NR5A2: variants seen among roughly 807,000 people sequenced by gnomAD.
NR5A2 encodes the protein nuclear receptor subfamily 5 group A member 2.
NR5A2 carries 26 observed loss-of-function variants against 62.7 expected under a neutral mutation model. That is an observed-to-expected ratio of 0.41 (90% CI 0.30 to 0.58). NR5A2 has a LOEUF of 0.58. NR5A2 is among the 20% of genes least tolerant of loss of function. The probability of loss-of-function intolerance (pLI) is 0.22; values close to 1 mark genes in which losing one functional copy is unlikely to be tolerated. For synonymous variants in NR5A2, 246 were observed against 241.7 expected, an observed-to-expected ratio of 1.02 and a Z score of -0.16; for missense variants, 541 against 669.1, an observed-to-expected ratio of 0.81 and a Z score of 2.11.
rs531328334 is a variant in NR5A2, at chr1:200,114,500, T to C, written c.1230+3179T>C. 2.6e-5 allele frequency among the ~76,000 whole-genome samples: 4 copies of C among 152,310 alleles called. No individual in the cohort carries two copies. The East Asian group carries it at 7.7e-4, about 29-fold the overall frequency. On this transcript the variant is annotated intron_variant, in intron 6 of 7. Transcript: ENST00000367362. ...TTAGAATTGGAACAACCTGTTTTCG[T>C]GTCTCCATTCCAAAACTTCCTGGCT...
intron 7 of NR5A2, among the ~76,000 whole-genome samples, chr1:200,141,800 A>G (rs1180700546): frequency 6.6e-6 from 1 of 152,252 alleles, no homozygotes; most frequent in Non-Finnish European, 1.5e-5. Flanking sequence ...GAAGTTGACA[A>G]TATAGTCTCT....
intron 5 of NR5A2, among the ~76,000 whole-genome samples, chr1:200,079,445 G>A (rs975766772): frequency 4.6e-5 from 7 of 152,320 alleles, no homozygotes; most frequent in African/African-American, 1.7e-4. Context: ...CAAGGGCAGG[G>A]TCTCATCCTG....
intron 7 of NR5A2, among the ~76,000 whole-genome samples, chr1:200,146,788 A>G (rs1186953554): frequency 6.6e-6 from 1 of 152,214 alleles, no homozygotes; most frequent in Non-Finnish European, 1.5e-5. Context: ...TGGAAATTAC[A>G]CATTTGTCTG....
chr1:200,135,235 A>T (rs774931878), intron 7 of NR5A2, among the ~76,000 whole-genome samples: 1 of 152,126 alleles, frequency 6.6e-6, no homozygotes, highest in African/African-American at 2.4e-5. Flanking sequence ...ATAATAAAGC[A>T]TGAGGCCAGG....
chr1:200,156,493 G>A (rs1173184550), intron 7 of NR5A2, among the ~76,000 whole-genome samples: 5 of 152,146 alleles, frequency 3.3e-5, no homozygotes, highest in Admixed American at 2.6e-4. Flanking sequence ...TGCCTCCCGG[G>A]TTCAAGCAAT....
chr1:200,072,814 G>A (rs2102218438), intron 5 of NR5A2, among the ~76,000 whole-genome samples: 1 of 152,254 alleles, frequency 6.6e-6, no homozygotes. Flanking sequence ...AAGATGTCCA[G>A]AAATAGAAAG....
Position 200,048,619 on chromosome 1 carries a change from T to C in NR5A2, c.911T>C (p.Leu304Pro), listed in dbSNP as rs1432885604. 1.2e-6 allele frequency: 2 copies of C among 1,614,060 alleles called. No individual in the cohort carries two copies. Among genetic ancestry groups the C allele is most frequent in the Admixed American group, 1.7e-5 (1 of 60,006 alleles). ...AGCTCTCCAGCAAGCATCCCACATC[T>C]GATACTGGAACTTTTGAAGTGTGAG... is the stretch of plus-strand genomic sequence containing the variant. Reference protein sequence around the residue: ...QTSSPASIPHLILELLKCEPD... With the variant: ...QTSSPASIPHPILELLKCEPD... The change falls in exon 5 of 8, where the codon CTG becomes CCG. Residue 304 changes from leucine (L) to proline (P), a missense_variant. Leu to Pro is a moderately conservative substitution (Grantham distance 98). Transcript: ENST00000367362. This position sits in a 1 kb window ranked among gnomAD's most constrained non-coding sequence, Gnocchi z 4.8.
intron 5 of NR5A2, among the ~76,000 whole-genome samples, chr1:200,093,696 A>T (rs1344356637): frequency 6.6e-6 from 1 of 152,240 alleles, no homozygotes; most frequent in East Asian, 1.9e-4. Flanking sequence ...GCACATGAGC[A>T]GGTGGCTTTG....
At chr1:200,133,562 C>CATAT (rs71132669) in intron 7 of NR5A2, among the ~76,000 whole-genome samples, 1 of 138,972 alleles carries the variant, frequency 7.2e-6, no homozygotes, top group African/African-American at 2.8e-5. Context: ...TATATACACA[C>CATAT]ATATATATAT....
rs748596855 is a variant in NR5A2, at chr1:200,039,711, GT to G, written c.119del (p.Val40AlafsTer35). The G allele has an allele frequency of 5.0e-6, 8 of 1,612,106 alleles. No individual in the cohort carries two copies. In the African/African-American group the frequency reaches 9.4e-5, roughly 19 times the overall value. ...GSPIPARGRLVMLPKVETEAL... is the reference protein window; with the variant it reads ...GSPIPARGRLXMLPKVETEAL... ...CCCCATCCCCGCCCGCGGTCGCCTT[GT>G]CATGCTGCCCAAAGTGGAGACGGAA... On this transcript the variant is annotated frameshift_variant, in exon 2 of 8. Transcript: ENST00000367362. LOFTEE classifies it high-confidence loss of function. This position sits in a 1 kb window ranked among gnomAD's most constrained non-coding sequence, Gnocchi z 5.1.
intron 5 of NR5A2, among the ~76,000 whole-genome samples, chr1:200,055,895 C>G (rs1662890064): frequency 6.6e-6 from 1 of 152,098 alleles, no homozygotes; most frequent in African/African-American, 2.4e-5. Flanking sequence ...CATAGGTTTA[C>G]AAGGAAATGA....
intron 7 of NR5A2, among the ~76,000 whole-genome samples, chr1:200,169,173 C>A (rs1654054632): frequency 6.6e-6 from 1 of 151,872 alleles, no homozygotes; most frequent in South Asian, 2.1e-4. Flanking sequence ...GTCACCACTG[C>A]TTTTCTGCCT....
At chr1:200,055,982 C>G (rs1317188317) in intron 5 of NR5A2, among the ~76,000 whole-genome samples, 1 of 152,130 alleles carries the variant, frequency 6.6e-6, no homozygotes, top group Non-Finnish European at 1.5e-5. Context: ...ATGTTGGAAT[C>G]AGCAGGTTTG....
intron 2 of NR5A2, chr1:200,043,116 T>A (rs1456136353): frequency 2.4e-5 from 13 of 531,310 alleles, no homozygotes; most frequent in Non-Finnish European, 3.1e-5. Context: ...TTCTTTTTAT[T>A]TTCACAGATT....
chr1:200,140,896 T>A (rs1419361210), intron 7 of NR5A2, among the ~76,000 whole-genome samples: 1 of 152,178 alleles, frequency 6.6e-6, no homozygotes, highest in Non-Finnish European at 1.5e-5. Context: ...CCGGGCATGG[T>A]GGCACATGCC....
Position 200,027,715 on chromosome 1 carries a change from T to C in NR5A2, c.-133T>C. The C allele has an allele frequency of 2.0e-6, 1 of 496,136 alleles. No homozygotes were observed. The highest frequency in any genetic ancestry group is 3.6e-6 in the Non-Finnish European group (1 of 278,486). The allele number at this position is 496,136 out of a possible 1,614,324, so 30.7% of individuals were successfully genotyped here. On this transcript the variant is annotated 5_prime_UTR_variant, in exon 1 of 8. Transcript: ENST00000367362. ...TGGATTTTTTTTTTTCCTTTGCTTTTTCTTAACTTTCACTAAGGGTTACTG... is the reference window on the plus strand; with the variant it reads ...TGGATTTTTTTTTTTCCTTTGCTTTCTCTTAACTTTCACTAAGGGTTACTG...
chr1:200,152,309 A>G (rs1653167949), intron 7 of NR5A2, among the ~76,000 whole-genome samples: 1 of 152,188 alleles, frequency 6.6e-6, no homozygotes, highest in South Asian at 2.1e-4. Context: ...ATTCAGATCT[A>G]TATATTTAAG....
At chr1:200,151,158 A>C (rs1558170263) in intron 7 of NR5A2, among the ~76,000 whole-genome samples, 1 of 151,958 alleles carries the variant, frequency 6.6e-6, no homozygotes. Context: ...TCCCACTGGA[A>C]GGGGGAAAAA....
intron 5 of NR5A2, among the ~76,000 whole-genome samples, chr1:200,099,794 G>A (rs1052862213): frequency 2.6e-5 from 4 of 152,000 alleles, no homozygotes; most frequent in Admixed American, 1.3e-4. Context: ...GAGTTTCACC[G>A]TGTTAGCCAG....
Sources: allele counts gnomAD v4.1 joint callset (sites outside exome capture counted in the v4.1 genomes callset), GRCh38; gene constraint gnomAD v4.1.1; non-coding constraint Gnocchi (gnomAD v3.1); transcripts MANE v1.5; gene names NCBI Gene and HGNC (gene_info 2026-07-23, HGNC 2026-07-21).